Variants in RANBP2 observed in about 807,000 individuals in gnomAD.
The protein encoded by RANBP2 is E3 SUMO-protein ligase RanBP2.
RANBP2 carries 57 observed loss-of-function variants against 303.6 expected under a neutral mutation model. The ratio of observed to expected loss-of-function variants is 0.19; its 90% CI spans 0.15 to 0.23. RANBP2 has a LOEUF of 0.23. RANBP2 is among the 10% of genes least tolerant of loss of function. The pLI is 1.00. For synonymous variants in RANBP2, 1,167 were observed against 1,301.5 expected (o/e 0.90, Z 2.23); for missense variants, 3,138 against 3,780.8 (o/e 0.83, Z 4.46).
At chr2:109,007,747 T>A in the RANBP2 span, among the ~76,000 whole-genome samples, 4 of 152,178 alleles carry the variant, frequency 2.6e-5, no homozygotes, top group African/African-American at 9.7e-5. Flanking sequence ...TTTACTGGAA[T>A]GAATATGGGT....
the RANBP2 span, among the ~76,000 whole-genome samples, chr2:109,095,357 A>C: frequency 4.6e-5 from 7 of 152,270 alleles, no homozygotes; most frequent in Non-Finnish European, 1.0e-4. Context: ...ATGTGTAGGG[A>C]AAATAGAATG....
At chr2:109,340,880 A>C in the RANBP2 span, among the ~76,000 whole-genome samples, 105 of 152,244 alleles carry the variant, frequency 6.9e-4, no homozygotes, top group Non-Finnish European at 1.4e-3. Flanking sequence ...AGGCCACAAC[A>C]AAGTCTGGGA....
the RANBP2 span, among the ~76,000 whole-genome samples, chr2:109,655,982 A>C: frequency 6.6e-6 from 1 of 152,196 alleles, no homozygotes; most frequent in East Asian, 1.9e-4. Context: ...ATGCCCTTCT[A>C]GACCTGTCAG....
chr2:109,404,885 C>T, the RANBP2 span, among the ~76,000 whole-genome samples: 1 of 152,138 alleles, frequency 6.6e-6, no homozygotes, highest in Non-Finnish European at 1.5e-5. Context: ...CAGCACTTGA[C>T]GCTGTGGACA....
the RANBP2 span, among the ~76,000 whole-genome samples, chr2:109,407,874 G>A: frequency 6.6e-6 from 1 of 152,222 alleles, no homozygotes; most frequent in African/African-American, 2.4e-5. Context: ...GTGGCTGCCT[G>A]TGACCTGGCG....
the RANBP2 span, among the ~76,000 whole-genome samples, chr2:108,968,754 G>A: frequency 6.6e-6 from 1 of 152,302 alleles, no homozygotes; most frequent in Middle Eastern, 3.4e-3. Flanking sequence ...CGAACACTAG[G>A]AAATAAGGTC....
chr2:109,057,567 C>G, the RANBP2 span, among the ~76,000 whole-genome samples: 1 of 152,192 alleles, frequency 6.6e-6, no homozygotes, highest in Non-Finnish European at 1.5e-5. Context: ...TGTGGAGAGT[C>G]ACTTACAGTA....
the RANBP2 span, among the ~76,000 whole-genome samples, chr2:109,379,789 C>G: frequency 6.6e-6 from 1 of 152,080 alleles, no homozygotes. Context: ...GAAGCCCGGT[C>G]ATTGCCAAGA....
At chr2:109,393,273 G>A in the RANBP2 span, among the ~76,000 whole-genome samples, 3 of 152,242 alleles carry the variant, frequency 2.0e-5, no homozygotes, top group Non-Finnish European at 2.9e-5. Flanking sequence ...TCTGGTCCAT[G>A]GAGGGTTCTC....
rs972801993 is a variant in RANBP2 at position 108,769,262 on chromosome 2, T to C, written c.7849+874T>C. Reference sequence around the variant, plus strand: ...ACGAAATATTCTTTATTTTCTAGGATTTAATTTTAGCCTTTTTAAATCTAA... The same window carrying C: ...ACGAAATATTCTTTATTTTCTAGGACTTAATTTTAGCCTTTTTAAATCTAA... On this transcript the variant is annotated intron_variant, in intron 20 of 28. Coordinates refer to ENST00000283195, the MANE Select transcript of RANBP2 (RefSeq NM_006267.5). The C allele has an allele frequency of 9.1e-6, 9 of 985,176 alleles. No homozygotes were observed. In the African/African-American group the frequency reaches 1.4e-4, roughly 15 times the overall value. The allele number at this position is 985,176 out of a possible 1,614,324, so 61.0% of individuals were successfully genotyped here.
chr2:109,381,303 C>T, the RANBP2 span, among the ~76,000 whole-genome samples: 13 of 152,232 alleles, frequency 8.5e-5, no homozygotes, highest in Admixed American at 8.5e-4. Flanking sequence ...CTCCCCTAGG[C>T]TCCAGCTGTT....
the RANBP2 span, among the ~76,000 whole-genome samples, chr2:109,353,311 GC>G: frequency 6.6e-6 from 1 of 152,214 alleles, no homozygotes. Context: ...TAGCCTGGGT[GC>G]CCCCACACAT....
rs1260763459 is a variant in RANBP2 at position 108,748,969 on chromosome 2, G to C, written c.1113G>C (p.Glu371Asp). 8 of 1,611,856 alleles carry C rather than the reference G, an allele frequency of 5.0e-6. No homozygotes were observed. Among genetic ancestry groups the C allele is most frequent in the Non-Finnish European group, 6.8e-6 (8 of 1,179,862 alleles). Residue 371 changes from glutamate to aspartate, a missense_variant, in exon 9 of 29, where the codon GAG becomes GAC. By Grantham distance (45) the Glu-to-Asp change is conservative. Transcript: ENST00000283195. ...LSRGKQDFLK[E>D]IVETFANKSG... The stretch of plus-strand genomic sequence containing the variant: ...GTGGCAAGCAAGATTTTTTAAAAGA[G>C]ATTGTTGAAACTTTTGCCAACAAAA...
the RANBP2 span, among the ~76,000 whole-genome samples, chr2:109,649,496 C>G: frequency 2.6e-5 from 4 of 152,034 alleles, no homozygotes; most frequent in East Asian, 7.7e-4. Context: ...CTCCCGGGTT[C>G]AAGCGATTCT....
the RANBP2 span, among the ~76,000 whole-genome samples, chr2:108,932,404 C>T: frequency 2.0e-5 from 3 of 151,630 alleles, no homozygotes; most frequent in African/African-American, 7.3e-5. Flanking sequence ...TGGTGGGCAC[C>T]TGTAGTCCCA....
At chr2:108,841,812 C>A in the RANBP2 span, among the ~76,000 whole-genome samples, 13 of 151,704 alleles carry the variant, frequency 8.6e-5, no homozygotes, top group African/African-American at 2.9e-4. Context: ...TTCTCTTTTT[C>A]ATTTCTTTGG....
the RANBP2 span, among the ~76,000 whole-genome samples, chr2:109,046,028 G>A: frequency 6.6e-6 from 1 of 152,058 alleles, no homozygotes; most frequent in Non-Finnish European, 1.5e-5. Context: ...TCCAAGGCCG[G>A]GCATGGTGTC....
chr2:109,512,163 A>G, the RANBP2 span, among the ~76,000 whole-genome samples: 1 of 150,672 alleles, frequency 6.6e-6, no homozygotes, highest in Admixed American at 6.6e-5. Context: ...CCTGCTGGAA[A>G]CTCTCTTCCT....
At chr2:108,898,774 A>G in the RANBP2 span, among the ~76,000 whole-genome samples, 7 of 152,238 alleles carry the variant, frequency 4.6e-5, no homozygotes, top group African/African-American at 1.7e-4. Context: ...TAGAACTACA[A>G]AAGTACAATA....
Sources: allele counts gnomAD v4.1 joint callset (sites outside exome capture counted in the v4.1 genomes callset), GRCh38; gene constraint gnomAD v4.1.1; transcripts MANE v1.5; gene names NCBI Gene and HGNC (gene_info 2026-07-23, HGNC 2026-07-21).